PNKD: variants seen among roughly 807,000 people sequenced by gnomAD.
PNKD encodes the protein probable thioesterase PNKD.
A neutral mutation model predicts 45.3 loss-of-function variants in PNKD; 36 were observed. The observed-to-expected ratio is 0.80, with a 90% CI of 0.61 to 1.05. PNKD has a LOEUF of 1.05. Ranked by LOEUF, PNKD falls within the 50% of genes least tolerant of loss-of-function variation. The pLI, the probability that PNKD is intolerant of heterozygous loss-of-function variation, is 0.00. For missense variants in PNKD, 511 were observed against 506.6 expected, an observed-to-expected ratio of 1.01 and a Z score of -0.08; for synonymous variants, 197 against 210.1, an observed-to-expected ratio of 0.94 and a Z score of 0.54.
rs12473052 is a variant in PNKD at position 218,333,414 on chromosome 2, C to T, written c.237-6369C>T. Among the ~76,000 whole-genome samples, 1,195 of 152,298 alleles carry T rather than the reference C, an allele frequency of 7.8e-3. 15 individuals carry two copies. Among genetic ancestry groups the T allele is most frequent in the African/African-American group, 0.027 (1,121 of 41,556 alleles). ...GGGAGGCGGGGAGCTTATCACCCCT[C>T]CCAGATGTGCATGACCCTGCTCTAG... On this transcript the variant is annotated intron_variant, in intron 2 of 9. Transcript: ENST00000273077.
At chr2:218,276,054 G>A (rs1691173008) in intron 2 of PNKD, 2 of 1,613,132 alleles carry the variant, frequency 1.2e-6, no homozygotes, top group Admixed American at 3.3e-5. Context: ...CCCCAGAGCA[G>A]CATAGAGCAT....
At chr2:218,294,035 G>A (rs995278302) in intron 2 of PNKD, among the ~76,000 whole-genome samples, 1 of 152,026 alleles carries the variant, frequency 6.6e-6, no homozygotes, top group Admixed American at 6.6e-5. Flanking sequence ...TACTTAGGGG[G>A]ACTAGTGGCC....
intron 2 of PNKD, among the ~76,000 whole-genome samples, chr2:218,330,732 GGGA>G (rs755497083): frequency 6.6e-6 from 1 of 152,266 alleles, no homozygotes; most frequent in Non-Finnish European, 1.5e-5. Context: ...TCTAGGAAGA[GGGA>G]GGAGGAGAAG....
intron 2 of PNKD, among the ~76,000 whole-genome samples, chr2:218,302,655 A>T (rs1303445602): frequency 6.6e-6 from 1 of 152,160 alleles, no homozygotes; most frequent in East Asian, 1.9e-4. Context: ...CTCTTTAAGG[A>T]CTTCAAATTT....
At chr2:218,299,448 T>A (rs2106250777) in intron 2 of PNKD, among the ~76,000 whole-genome samples, 1 of 150,968 alleles carries the variant, frequency 6.6e-6, no homozygotes, top group East Asian at 2.0e-4. Flanking sequence ...GACCTATTTG[T>A]TTATTCATTT....
chr2:218,302,852 C>A (rs2106253094), intron 2 of PNKD, among the ~76,000 whole-genome samples: 1 of 152,222 alleles, frequency 6.6e-6, no homozygotes, highest in African/African-American at 2.4e-5. Context: ...AGGGAGCTTC[C>A]AGGTTATAGG....
chr2:218,277,626 A>T (rs1436282231), intron 2 of PNKD: 1 of 1,614,090 alleles, frequency 6.2e-7, no homozygotes, highest in African/African-American at 1.3e-5. Context: ...TTTATCCCTG[A>T]ATGTACCTGG....
chr2:218,284,840 C>T (rs960856686), intron 2 of PNKD, among the ~76,000 whole-genome samples: 1 of 152,242 alleles, frequency 6.6e-6, no homozygotes, highest in Non-Finnish European at 1.5e-5. Context: ...CCTGTAATCT[C>T]AACACTTTGA....
intron 2 of PNKD, among the ~76,000 whole-genome samples, chr2:218,303,885 T>G (rs1390712239): frequency 1.3e-5 from 2 of 151,786 alleles, no homozygotes; most frequent in East Asian, 3.9e-4. Flanking sequence ...GACCCGCACT[T>G]CTTTGGTTTC....
At chr2:218,327,250 G>C (rs1401351046) in intron 2 of PNKD, 1 of 152,164 alleles carries the variant, frequency 6.6e-6, no homozygotes, top group African/African-American at 2.4e-5. Context: ...AACCCCCCCT[G>C]GGACGGACCT....
At position 218,299,812 on chromosome 2, in the gene PNKD, G is replaced by A. The variant is rs576106111; in HGVS notation, c.236+28263G>A. On this transcript the variant is annotated intron_variant, in intron 2 of 9. Transcript: ENST00000273077. ...AATTTTGTATTTTTAGTAGAGATGG[G>A]GTTTCTCCATGTTGGTCAGGCTGGT... Among the ~76,000 whole-genome samples the A allele has an allele frequency of 1.9e-4, 29 of 151,790 alleles. No individual in the cohort carries two copies. In the East Asian group the frequency reaches 5.4e-3, roughly 29 times the overall value.
chr2:218,277,660 A>G (rs1691366626), intron 2 of PNKD: 1 of 1,614,086 alleles, frequency 6.2e-7, no homozygotes, highest in Non-Finnish European at 8.5e-7. Flanking sequence ...CATGAAGCCC[A>G]TGGCAAAAGT....
intron 2 of PNKD, chr2:218,278,102 G>A: frequency 9.2e-7 from 1 of 1,086,132 alleles, no homozygotes; most frequent in Middle Eastern, 2.4e-4. Context: ...GAGGGAGGTT[G>A]GCATGGCCTT....
At chr2:218,289,970 G>A (rs2106239555) in intron 2 of PNKD, 1 of 152,292 alleles carries the variant, frequency 6.6e-6, no homozygotes, top group East Asian at 1.9e-4. Context: ...ACTGACCTGG[G>A]TTCATGAACT....
At chr2:218,328,125 C>T (rs1002010423) in intron 2 of PNKD, among the ~76,000 whole-genome samples, 2 of 152,296 alleles carry the variant, frequency 1.3e-5, no homozygotes, top group Non-Finnish European at 2.9e-5. Flanking sequence ...CATCTTTTAG[C>T]ACCCTTCAGC....
chr2:218,341,160 T>C (rs1694661918), intron 5 of PNKD, among the ~76,000 whole-genome samples: 1 of 151,194 alleles, frequency 6.6e-6, no homozygotes, highest in Non-Finnish European at 1.5e-5. Context: ...GGGTTGGGAG[T>C]TCAAGCCCAA....
intron 2 of PNKD, among the ~76,000 whole-genome samples, chr2:218,285,329 A>G (rs898448411): frequency 6.6e-6 from 1 of 152,162 alleles, no homozygotes; most frequent in African/African-American, 2.4e-5. Context: ...CTGACTCCCA[A>G]GCCCCTGCTC....
At position 218,341,525 on chromosome 2, in the gene PNKD, G is replaced by C; in HGVS notation, c.525-9G>C. The C allele has an allele frequency of 6.3e-7, 1 of 1,582,538 alleles. No individual in the cohort carries two copies. The highest frequency in any genetic ancestry group is 8.6e-7 in the Non-Finnish European group (1 of 1,162,272). On this transcript the variant is annotated splice_polypyrimidine_tract_variant and intron_variant, in intron 5 of 9. Coordinates refer to ENST00000273077, the MANE Select transcript of PNKD (RefSeq NM_015488.5). ...TCGAAGCCCCCTGCCTGTCTCTGCT[G>C]TCCTGCAGGGACCACAGTGGAGGGA...
Position 218,342,113 on chromosome 2 carries a change from C to T in PNKD, c.750C>T (p.Phe250=). 6.2e-7 allele frequency: 1 copy of T among 1,613,842 alleles called. No individual in the cohort carries two copies. The highest frequency in any genetic ancestry group is 8.5e-7 in the Non-Finnish European group (1 of 1,179,930). The stretch of plus-strand genomic sequence containing the variant: ...CCTACAAGGGTCCCTCCTGCCTCTT[C>T]TCAGGGGACCTGCTCTTCCTCTCTG... ...GEPYKGPSCL[F]SGDLLFLSGC... The change falls in exon 7 of 10, where the codon TTC becomes TTT. Residue 250 remains phenylalanine (F), a synonymous_variant. Coordinates refer to ENST00000273077, the MANE Select transcript of PNKD (RefSeq NM_015488.5).
Sources: allele counts gnomAD v4.1 joint callset (sites outside exome capture counted in the v4.1 genomes callset), GRCh38; gene constraint gnomAD v4.1.1; transcripts MANE v1.5; gene names NCBI Gene and HGNC (gene_info 2026-07-23, HGNC 2026-07-21).